NBEA: variants seen among roughly 807,000 people sequenced by gnomAD.
NBEA encodes the protein neurobeachin.
Under a neutral mutation model 343.4 loss-of-function variants are expected in NBEA, and 44 were observed. That is an observed-to-expected ratio of 0.13 (90% CI 0.10 to 0.16). The LOEUF (loss-of-function observed/expected upper bound fraction) is 0.16, where lower values mean the gene tolerates loss of function less well. Ranked by LOEUF, NBEA falls within the 10% of genes least tolerant of loss-of-function variation. NBEA has a pLI of 1.00. For missense variants in NBEA, 2,555 were observed against 3,631.3 expected (o/e 0.70, Z 7.62); for synonymous variants, 1,175 against 1,238.7 (o/e 0.95, Z 1.08).
intron 46 of NBEA, among the ~76,000 whole-genome samples, chr13:35,589,144 T>C (rs1352175470): frequency 6.6e-6 from 1 of 152,114 alleles, no homozygotes; most frequent in East Asian, 1.9e-4. Flanking sequence ...ACCAAGAGCC[T>C]AGTGCATGGT....
chr13:35,424,261 A>G (rs1221217004), intron 38 of NBEA, among the ~76,000 whole-genome samples: 2 of 152,198 alleles, frequency 1.3e-5, no homozygotes, highest in Non-Finnish European at 2.9e-5. Flanking sequence ...GTTTTTGCCC[A>G]TTCAGTATGA....
intron 17 of NBEA, among the ~76,000 whole-genome samples, chr13:35,131,225 G>A (rs1034495547): frequency 1.3e-5 from 2 of 152,130 alleles, no homozygotes; most frequent in African/African-American, 4.8e-5. Flanking sequence ...GAAGGAATCG[G>A]CCACTATTTC....
chr13:35,664,273 T>G (rs2085244105), intron 55 of NBEA, among the ~76,000 whole-genome samples: 1 of 152,040 alleles, frequency 6.6e-6, no homozygotes. Flanking sequence ...AGGAGGCAGC[T>G]CTAGGAAAGA....
chr13:35,161,717 T>C lies in NBEA; in HGVS notation c.3862-33T>C. The C allele has an allele frequency of 2.0e-6, 3 of 1,531,848 alleles. No homozygotes were observed. The South Asian group carries it at 3.6e-5, about 18-fold the overall frequency. 94.9% of individuals were successfully genotyped at this position (1,531,848 alleles called of 1,614,324 possible). A position where few individuals can be genotyped will look rare whatever the true frequency, so the allele number is the denominator to read the frequency against. ...ATTTTAAAATGAGGCATTTCTTTTGTATTCCACAAAAGTTCATCTTTTCCT... is the reference window on the plus strand; with the variant it reads ...ATTTTAAAATGAGGCATTTCTTTTGCATTCCACAAAAGTTCATCTTTTCCT... On this transcript the variant is annotated intron_variant, in intron 22 of 58. Transcript: ENST00000379939.
intron 38 of NBEA, among the ~76,000 whole-genome samples, chr13:35,380,039 G>T (rs901558720): frequency 2.5e-4 from 38 of 152,176 alleles, no homozygotes; most frequent in African/African-American, 9.2e-4. Context: ...TGCATTGAAG[G>T]TAGAGAACAA....
intron 7 of NBEA, 47 bp downstream of exon 7, chr13:35,056,176 G>T: frequency 6.8e-7 from 1 of 1,475,398 alleles, no homozygotes. Context: ...TTGGGAGTAT[G>T]ATCTATCATT....
At chr13:35,611,721 T>C (rs2082531968) in intron 48 of NBEA, among the ~76,000 whole-genome samples, 1 of 152,220 alleles carries the variant, frequency 6.6e-6, no homozygotes, top group African/African-American at 2.4e-5. Context: ...GATTCACCCA[T>C]GTTGTAGCAT....
At chr13:35,541,320 C>G (rs1218815908) in intron 41 of NBEA, among the ~76,000 whole-genome samples, 2 of 151,906 alleles carry the variant, frequency 1.3e-5, no homozygotes, top group Non-Finnish European at 2.9e-5. Flanking sequence ...AAACTGTGAA[C>G]TCCTAGAGAT....
chr13:35,292,323 A>G (rs2035854553), intron 35 of NBEA, among the ~76,000 whole-genome samples: 1 of 151,998 alleles, frequency 6.6e-6, no homozygotes, highest in African/African-American at 2.4e-5. Flanking sequence ...TACTACTTAA[A>G]TTTGAGATGA....
intron 46 of NBEA, among the ~76,000 whole-genome samples, chr13:35,588,443 C>T (rs1390060745): frequency 6.6e-6 from 1 of 151,590 alleles, no homozygotes; most frequent in Non-Finnish European, 1.5e-5. Context: ...CTGTCCTTTA[C>T]CTTAGACCTT....
chr13:35,357,956 C>T (rs2040586864), intron 38 of NBEA, among the ~76,000 whole-genome samples: 1 of 152,066 alleles, frequency 6.6e-6, no homozygotes, highest in Admixed American at 6.6e-5. Context: ...TTTCTGTCTG[C>T]TTAATCACTC....
chr13:35,294,716 T>G (rs2152820877), intron 35 of NBEA, among the ~76,000 whole-genome samples: 1 of 152,278 alleles, frequency 6.6e-6, no homozygotes, highest in African/African-American at 2.4e-5. Context: ...CAATAAAAAA[T>G]TATGACCTGA....
chr13:35,339,525 C>G (rs1334971211), intron 36 of NBEA, among the ~76,000 whole-genome samples: 1 of 152,044 alleles, frequency 6.6e-6, no homozygotes, highest in Non-Finnish European at 1.5e-5. Flanking sequence ...TTTGGATGGG[C>G]ACTGTAGTAG....
chr13:35,322,034 C>T (rs749093909), intron 36 of NBEA, among the ~76,000 whole-genome samples: 1 of 152,106 alleles, frequency 6.6e-6, no homozygotes, highest in Non-Finnish European at 1.5e-5. Context: ...TTGCTGAGCT[C>T]TGTTGGGGTG....
At chr13:34,959,165 G>A (rs895644411) in intron 1 of NBEA, among the ~76,000 whole-genome samples, 22 of 152,250 alleles carry the variant, frequency 1.4e-4, no homozygotes, top group Non-Finnish European at 2.6e-4. Context: ...TTTTTTAAGA[G>A]TTGAGGTTTA....
intron 41 of NBEA, among the ~76,000 whole-genome samples, chr13:35,531,433 T>C (rs768965483): frequency 3.3e-5 from 5 of 152,222 alleles, no homozygotes; most frequent in Non-Finnish European, 7.3e-5. Context: ...CTGTTAGCTA[T>C]ATTTCCTTTC....
intron 47 of NBEA, among the ~76,000 whole-genome samples, chr13:35,598,643 T>A (rs2081913890): frequency 6.6e-6 from 1 of 152,302 alleles, no homozygotes; most frequent in African/African-American, 2.4e-5. Flanking sequence ...TCTTTCAAGC[T>A]GTGAATTAGG....
At chr13:35,284,767 T>G (rs1352698435) in intron 34 of NBEA, among the ~76,000 whole-genome samples, 1 of 152,136 alleles carries the variant, frequency 6.6e-6, no homozygotes, top group African/African-American at 2.4e-5. Flanking sequence ...ATGGTAACAT[T>G]GAAAGTAAAT....
chr13:35,200,679 T>G (rs1454247379), intron 31 of NBEA, among the ~76,000 whole-genome samples: 1 of 151,874 alleles, frequency 6.6e-6, no homozygotes, highest in African/African-American at 2.4e-5. Context: ...AGTAGGTATT[T>G]TTTCCTCAAA....
Sources: gnomAD v4.1 joint callset for allele counts (sites outside exome capture counted in the v4.1 genomes callset) on GRCh38, gnomAD v4.1.1 for gene constraint, MANE v1.5 for transcripts, NCBI Gene and HGNC (gene_info 2026-07-23, HGNC 2026-07-21) for gene names.